Variants in AOC2 observed in about 807,000 individuals in gnomAD.
The protein encoded by AOC2 is amine oxidase copper containing 2.
Under a neutral mutation model 53.8 loss-of-function variants are expected in AOC2, and 57 were observed. The observed-to-expected ratio is 1.06, with a 90% CI of 0.86 to 1.32. AOC2 has a LOEUF of 1.32. Among genes scored for constraint, AOC2 ranks in the 40% most tolerant of loss-of-function variants. The pLI is 0.00. For synonymous variants in AOC2, 404 were observed against 399.0 expected (o/e 1.01, Z -0.15); for missense variants, 1,008 against 957.2 (o/e 1.05, Z -0.70).
Position 42,849,606 on chromosome 17 carries a change from A to G in AOC2, c.1880A>G (p.Gln627Arg). 6.2e-7 allele frequency: 1 copy of G among 1,614,244 alleles called. No individual in the cohort carries two copies. Among genetic ancestry groups the G allele is most frequent in the Non-Finnish European group, 8.5e-7 (1 of 1,180,042 alleles). ...MERALSWGRY[Q>R]LVVTQRKEEE... is the part of the protein sequence containing the mutation. The stretch of plus-strand genomic sequence containing the variant: ...TTCTTATGATTCCTGGCCAGATACC[A>G]GCTTGTGGTGACCCAGAGAAAGGAG... The change falls in exon 3 of 4, where the codon CAG (glutamine) becomes CGG (arginine). Residue 627 changes from glutamine (Q) to arginine (R), a missense_variant. Gln to Arg is a conservative substitution (Grantham distance 43). Coordinates refer to ENST00000253799, the MANE Select transcript of AOC2 (RefSeq NM_009590.4).
At chr17:42,849,920 C>A (rs376860963) in intron 3 of AOC2, among the ~76,000 whole-genome samples, 162 bp from the exon 4 acceptor site, 2 of 152,204 alleles carry the variant, frequency 1.3e-5, no homozygotes, top group Non-Finnish European at 2.9e-5. Flanking sequence ...TGGCTCCCCC[C>A]TCTCCCCGCA....
At position 42,849,925 on chromosome 17, in the gene AOC2, C is replaced by T. The variant is rs188448928; in HGVS notation, c.2005-157C>T. Among the ~76,000 whole-genome samples the T allele has an allele frequency of 4.9e-3, 748 of 152,340 alleles. 1 individual carries two copies. The highest frequency in any genetic ancestry group is 0.01 in the Middle Eastern group (3 of 294). On this transcript the variant is annotated intron_variant, in intron 3 of 3. Coordinates refer to ENST00000253799, the MANE Select transcript of AOC2 (RefSeq NM_009590.4). ...TCTGGGACACTGGCTCCCCCCTCTC[C>T]CCGCACAGCTGCTTACATGGATTGC...
In AOC2 at chr17:42,846,027, C is replaced by T. The variant is rs2055596370; in HGVS notation, c.1401C>T (p.Tyr467=). The stretch of plus-strand genomic sequence containing the variant: ...TGTCATCTGTGGGCAACTATGACTA[C>T]ATTTGGGACTTTGTGTTGTACCCAA... ...RSVSSVGNYD[Y]IWDFVLYPNG... is the part of the protein sequence containing the mutation. Residue 467 remains tyrosine (Y), a synonymous_variant, in exon 1 of 4, where the codon TAC becomes TAT. Coordinates refer to ENST00000253799, the MANE Select transcript of AOC2 (RefSeq NM_009590.4). 1.2e-6 allele frequency: 2 copies of T among 1,613,148 alleles called. No individual in the cohort carries two copies. Among genetic ancestry groups the T allele is most frequent in the East Asian group, 2.2e-5 (1 of 44,870 alleles).
chr17:42,849,856 T>C (rs1452737413), intron 3 of AOC2, 126 bp downstream of exon 3: 9 of 1,422,678 alleles, frequency 6.3e-6, no homozygotes, highest in Admixed American at 1.8e-5. Flanking sequence ...CCATGGAGTT[T>C]TCTGATGACC....
Position 42,845,661 on chromosome 17 carries a change from T to C in AOC2, c.1035T>C (p.Asp345=), listed in dbSNP as rs763519803. Residue 345 remains aspartate (D), a synonymous_variant, in exon 1 of 4, where the codon GAT becomes GAC. Transcript: ENST00000253799. ...TGTTCAGCGGCCTGAGGATTTTTGA[T>C]GTTCGGTTCCAGGGTGAGCGAATAG... The part of the protein sequence containing the change: ...HGVFSGLRIF[D]VRFQGERIAY... 6.2e-7 allele frequency: 1 copy of C among 1,614,220 alleles called. No individual in the cohort carries two copies. The highest frequency in any genetic ancestry group is 8.5e-7 in the Non-Finnish European group (1 of 1,180,038).
In AOC2 at chr17:42,846,071, G is replaced by A. The variant is rs541421234; in HGVS notation, c.1445G>A (p.Arg482Gln). 341 of 1,607,360 alleles carry A rather than the reference G, an allele frequency of 2.1e-4. No homozygotes were observed. Among genetic ancestry groups the A allele is most frequent in the Non-Finnish European group, 2.8e-4 (330 of 1,175,052 alleles). Residue 482 changes from arginine (R) to glutamine (Q), a missense_variant, in exon 1 of 4, where the codon CGG (arginine) becomes CAG (glutamine). Arg to Gln is a conservative substitution (Grantham distance 43). Coordinates refer to ENST00000253799, the MANE Select transcript of AOC2 (RefSeq NM_009590.4). Reference sequence around the variant, plus strand: ...TACCCAAATGGGGCACTTGAAGGGCGGGTCCATGCCACGGGTTATATCAAC... The same window carrying A: ...TACCCAAATGGGGCACTTGAAGGGCAGGTCCATGCCACGGGTTATATCAAC... ...VLYPNGALEG[R>Q]VHATGYINTA...
chr17:42,845,322 T>C lies in AOC2; in HGVS notation c.696T>C (p.Leu232=). 6.2e-7 allele frequency: 1 copy of C among 1,614,182 alleles called. No individual in the cohort carries two copies. Among genetic ancestry groups the C allele is most frequent in the Non-Finnish European group, 8.5e-7 (1 of 1,180,032 alleles). ...ALYHNISGVG[L]FLHPVGLELL... The stretch of plus-strand genomic sequence containing the variant: ...ACCATAACATCTCAGGGGTTGGTCT[T>C]TTCCTTCACCCCGTGGGGCTGGAGC... Residue 232 remains leucine, a synonymous_variant, in exon 1 of 4, where the codon CTT becomes CTC. Transcript: ENST00000253799.
chr17:42,846,892 ACT>A (rs1395845942), intron 1 of AOC2, among the ~76,000 whole-genome samples: 2 of 152,154 alleles, frequency 1.3e-5, no homozygotes, highest in African/African-American at 2.4e-5. Context: ...GAACTTACAG[ACT>A]CACACACTGA....
chr17:42,850,424 T>TA lies in AOC2; in HGVS notation c.*77dup. Reference sequence around the variant, plus strand: ...TTCTACTTTCTATTCTCCGTGTTTTTATCACACCTGCTCCCCAGATTCCCA... The same window carrying TA: ...TTCTACTTTCTATTCTCCGTGTTTTTAATCACACCTGCTCCCCAGATTCCCA... On this transcript the variant is annotated 3_prime_UTR_variant, in exon 4 of 4. Transcript: ENST00000253799. 6.7e-7 allele frequency: 1 copy of TA among 1,490,008 alleles called. No individual in the cohort carries two copies. The highest frequency in any genetic ancestry group is 8.9e-7 in the Non-Finnish European group (1 of 1,117,822). 92.3% of individuals were successfully genotyped at this position (1,490,008 alleles called of 1,614,324 possible).
chr17:42,845,684 T>C lies in AOC2; in HGVS notation c.1058T>C (p.Ile353Thr). Residue 353 changes from isoleucine to threonine, a missense_variant, in exon 1 of 4, where the codon ATA becomes ACA. By Grantham distance (89) the Ile-to-Thr change is moderately conservative. Coordinates refer to ENST00000253799, the MANE Select transcript of AOC2 (RefSeq NM_009590.4). ...GATGTTCGGTTCCAGGGTGAGCGAATAGCCTATGAAGTCAGTGTCCAGGAG... is the reference window on the plus strand; with the variant it reads ...GATGTTCGGTTCCAGGGTGAGCGAACAGCCTATGAAGTCAGTGTCCAGGAG... Reference protein sequence around the residue: ...IFDVRFQGERIAYEVSVQECV... With the variant: ...IFDVRFQGERTAYEVSVQECV... 1 of 1,614,184 alleles carries C rather than the reference T, an allele frequency of 6.2e-7. No individual in the cohort carries two copies. The highest frequency in any genetic ancestry group is 8.5e-7 in the Non-Finnish European group (1 of 1,180,028).
intron 1 of AOC2, among the ~76,000 whole-genome samples, chr17:42,848,548 T>TATATATATATAC (rs1410276935): frequency 3.1e-5 from 4 of 131,078 alleles, no homozygotes; most frequent in African/African-American, 1.2e-4. Context: ...TATATATACA[T>TATATATATATAC]ATATATATAT....
At position 42,849,149 on chromosome 17, in the gene AOC2, C is replaced by T. The variant is rs1172689768; in HGVS notation, c.1652C>T (p.Pro551Leu). Residue 551 changes from proline (P) to leucine (L), a missense_variant, in exon 2 of 4, where the codon CCG (proline) becomes CTG (leucine). Physicochemically the swap from Pro to Leu is moderately conservative, Grantham distance 98 (BLOSUM62 -3). Coordinates refer to ENST00000253799, the MANE Select transcript of AOC2 (RefSeq NM_009590.4). ...VFKPVAAPWN[P>L]EHWLQRPQLT... ...AAACCTGTGGCTGCCCCCTGGAACCCGGAGCACTGGCTACAGCGCCCACAG... is the reference window on the plus strand; with the variant it reads ...AAACCTGTGGCTGCCCCCTGGAACCTGGAGCACTGGCTACAGCGCCCACAG... The T allele has an allele frequency of 1.5e-5, 24 of 1,614,056 alleles. No homozygotes were observed. The highest frequency in any genetic ancestry group is 5.0e-5 in the Admixed American group (3 of 60,002).
chr17:42,847,620 G>A (rs938068813), intron 1 of AOC2, among the ~76,000 whole-genome samples: 2 of 152,098 alleles, frequency 1.3e-5, no homozygotes, highest in African/African-American at 4.8e-5. Flanking sequence ...CATGGGAAGG[G>A]ATTGGGTTTT....
At position 42,845,201 on chromosome 17, in the gene AOC2, C is replaced by G; in HGVS notation, c.575C>G (p.Ser192Trp). The G allele has an allele frequency of 1.9e-6, 3 of 1,613,952 alleles. No individual in the cohort carries two copies. Among genetic ancestry groups the G allele is most frequent in the East Asian group, 4.5e-5 (2 of 44,876 alleles). Residue 192 changes from serine to tryptophan, a missense_variant, in exon 1 of 4, where the codon TCG becomes TGG. Ser to Trp is a radical substitution (Grantham distance 177). Coordinates refer to ENST00000253799, the MANE Select transcript of AOC2 (RefSeq NM_009590.4). ...CTACCCAAGGCACCCATCTTCCTGT[C>G]GTCCACCTTCAACTACAATGGCTCT... ...VELPKAPIFL[S>W]STFNYNGSTL...
intron 1 of AOC2, among the ~76,000 whole-genome samples, chr17:42,848,320 C>G (rs1177342250): frequency 6.6e-6 from 1 of 151,438 alleles, no homozygotes; most frequent in Non-Finnish European, 1.5e-5. Context: ...AGCCATAGAA[C>G]AGCTTTAATT....
chr17:42,849,881 C>A, intron 3 of AOC2, 151 bp downstream of exon 3: 1 of 1,295,146 alleles, frequency 7.7e-7, no homozygotes, highest in Non-Finnish European at 1.1e-6. Context: ...CAGGTCATCC[C>A]TCCTGGGGTG....
chr17:42,847,782 CT>C (rs1213018759), intron 1 of AOC2, among the ~76,000 whole-genome samples: 457 of 140,534 alleles, frequency 3.3e-3, no homozygotes, highest in Non-Finnish European at 3.3e-3. Context: ...CCACGCCCAG[CT>C]TTTTTTTTTT....
intron 1 of AOC2, 58 bp from the exon 2 acceptor site, chr17:42,849,028 A>G: frequency 1.3e-6 from 2 of 1,522,612 alleles, no homozygotes; most frequent in Non-Finnish European, 1.8e-6. Context: ...GAAGACAGGG[A>G]CCTGGCCCAG....
rs772410725 is a variant in AOC2 at position 42,845,448 on chromosome 17, G to A, written c.822G>A (p.Glu274=). 34 of 1,614,070 alleles carry A rather than the reference G, an allele frequency of 2.1e-5. No individual in the cohort carries two copies. The highest frequency in any genetic ancestry group is 8.5e-7 in the Non-Finnish European group (1 of 1,180,044). ...YYADLGQLER[E]FKSGRLEVVR... ...CAGACTTGGGCCAGTTGGAACGGGAGTTTAAGTCTGGCCGGTTGGAAGTGG... is the reference window on the plus strand; with the variant it reads ...CAGACTTGGGCCAGTTGGAACGGGAATTTAAGTCTGGCCGGTTGGAAGTGG... The change falls in exon 1 of 4, where the codon GAG becomes GAA. Residue 274 remains glutamate, a synonymous_variant. Coordinates refer to ENST00000253799, the MANE Select transcript of AOC2 (RefSeq NM_009590.4).
Sources: allele counts gnomAD v4.1 joint callset (sites outside exome capture counted in the v4.1 genomes callset), GRCh38; gene constraint gnomAD v4.1.1; transcripts MANE v1.5; gene names NCBI Gene and HGNC (gene_info 2026-07-23, HGNC 2026-07-21).